Variants in CLMP observed in about 807,000 individuals in gnomAD.
The protein encoded by CLMP is CXADR-like membrane protein.
In CLMP, 27 loss-of-function variants were observed where a neutral mutation model predicts 45.2. The ratio of observed to expected loss-of-function variants is 0.60; its 90% confidence interval spans 0.44 to 0.82. The LOEUF (loss-of-function observed/expected upper bound fraction) is 0.82. Among genes scored for constraint, CLMP ranks in the 40% least tolerant of loss-of-function variants. CLMP has a pLI of 0.00. For missense variants in CLMP, 403 were observed against 448.4 expected (o/e 0.90, Z 0.91); for synonymous variants, 167 against 171.4 (o/e 0.97, Z 0.20).
chr11:123,122,310 A>G (rs12286620), intron 1 of CLMP, among the ~76,000 whole-genome samples: 35,008 of 152,008 alleles, frequency 0.23, 4,244 homozygotes, highest in Admixed American at 0.29. Flanking sequence ...TGTGCCAGGT[A>G]CTCTGCTCCA....
At chr11:123,085,771 T>G (rs893077632) in intron 2 of CLMP, among the ~76,000 whole-genome samples, 37 of 78,408 alleles carry the variant, frequency 4.7e-4, no homozygotes, top group African/African-American at 1.7e-3. Context: ...TTTTTTATGT[T>G]TTTTTTTTTT....
At chr11:123,155,196 C>T (rs904140899) in intron 1 of CLMP, among the ~76,000 whole-genome samples, 1 of 152,144 alleles carries the variant, frequency 6.6e-6, no homozygotes, top group Admixed American at 6.5e-5. Flanking sequence ...TTACTATGTT[C>T]ACCAGGCTGG....
chr11:123,121,072 AGCCAAGATCCC>A (rs1860809559), intron 1 of CLMP, among the ~76,000 whole-genome samples: 1 of 146,680 alleles, frequency 6.8e-6, no homozygotes, highest in South Asian at 2.2e-4. Context: ...GCTTGCAGTG[AGCCAAGATCCC>A]GCCACTGCAC....
At chr11:123,075,957 G>A (rs989026451) in intron 5 of CLMP, among the ~76,000 whole-genome samples, 10 of 152,124 alleles carry the variant, frequency 6.6e-5, no homozygotes, top group African/African-American at 1.9e-4. Context: ...CGGATCACTT[G>A]AGGTCAGGAG....
chr11:123,183,435 T>C (rs943516259), intron 1 of CLMP, among the ~76,000 whole-genome samples: 1 of 152,152 alleles, frequency 6.6e-6, no homozygotes, highest in Admixed American at 6.5e-5. Flanking sequence ...TTCACTATGT[T>C]GGCCAGACTG....
At chr11:123,147,167 C>A (rs185691580) in intron 1 of CLMP, among the ~76,000 whole-genome samples, 3 of 152,168 alleles carry the variant, frequency 2.0e-5, no homozygotes, top group African/African-American at 4.8e-5. Context: ...AAATTTAGTA[C>A]GGTAGAAAGA....
intron 1 of CLMP, among the ~76,000 whole-genome samples, chr11:123,152,566 A>ATAAATAAT (rs1555084855): frequency 6.9e-6 from 1 of 144,004 alleles, no homozygotes; most frequent in African/African-American, 2.8e-5. Context: ...AAATAAATAA[A>ATAAATAAT]AAATAAATAA....
At chr11:123,087,386 G>A (rs1365498451) in intron 2 of CLMP, among the ~76,000 whole-genome samples, 3 of 151,802 alleles carry the variant, frequency 2.0e-5, no homozygotes, top group Non-Finnish European at 4.4e-5. Flanking sequence ...GTGTGCGCCT[G>A]TAAACCCAGC....
chr11:123,098,452 T>A (rs1447763560), intron 1 of CLMP, among the ~76,000 whole-genome samples: 1 of 152,054 alleles, frequency 6.6e-6, no homozygotes, highest in Non-Finnish European at 1.5e-5. Context: ...GGTCTCGAAC[T>A]CCTAACTTCA....
chr11:123,191,625 C>T (rs1028872317), intron 1 of CLMP: 17 of 152,204 alleles, frequency 1.1e-4, no homozygotes, highest in African/African-American at 4.1e-4. Context: ...AGGACTGGTC[C>T]TATTTGCATT....
chr11:123,150,480 A>AAAGAAAGAGAAAGG (rs764502298), intron 1 of CLMP, among the ~76,000 whole-genome samples: 16 of 40,962 alleles, frequency 3.9e-4, no homozygotes, highest in Non-Finnish European at 6.6e-4. Context: ...AGAAAGAAAG[A>AAAGAAAGAGAAAGG]AAGGAAGGAA....
intron 1 of CLMP, among the ~76,000 whole-genome samples, chr11:123,166,977 T>A (rs1039819741): frequency 2.6e-5 from 4 of 152,188 alleles, no homozygotes; most frequent in African/African-American, 7.2e-5. Flanking sequence ...AGAGATATCC[T>A]TGGCTAATGT....
chr11:123,134,369 C>T (rs1350652624), intron 1 of CLMP, among the ~76,000 whole-genome samples: 1 of 152,106 alleles, frequency 6.6e-6, no homozygotes, highest in Non-Finnish European at 1.5e-5. Context: ...CTACACTCCC[C>T]TTGAATATTT....
At chr11:123,081,152 CAAAAAAA>C (rs985723311) in intron 5 of CLMP, among the ~76,000 whole-genome samples, 1 of 140,180 alleles carries the variant, frequency 7.1e-6, no homozygotes, top group African/African-American at 2.7e-5. Context: ...GACTCTGTCT[CAAAAAAA>C]CAAAAAACAA....
chr11:123,139,354 A>G (rs967528050), intron 1 of CLMP, among the ~76,000 whole-genome samples: 3 of 152,096 alleles, frequency 2.0e-5, no homozygotes, highest in African/African-American at 7.2e-5. Context: ...AAAACAGAAG[A>G]AACAGGACTG....
intron 1 of CLMP, among the ~76,000 whole-genome samples, chr11:123,191,790 T>C (rs1323528971): frequency 6.6e-6 from 1 of 152,196 alleles, no homozygotes; most frequent in Non-Finnish European, 1.5e-5. Flanking sequence ...TCTTAACAAA[T>C]AGTTCACAAG....
chr11:123,158,368 G>A (rs1338358322), intron 1 of CLMP, among the ~76,000 whole-genome samples: 2 of 152,226 alleles, frequency 1.3e-5, no homozygotes, highest in Non-Finnish European at 2.9e-5. Flanking sequence ...GGAGAAGGCT[G>A]TTTAATGGCT....
chr11:123,109,059 CAAAAAA>C (rs776811883), intron 1 of CLMP, among the ~76,000 whole-genome samples: 4 of 64,280 alleles, frequency 6.2e-5, no homozygotes, highest in East Asian at 4.4e-4. Flanking sequence ...AACTCTGTCT[CAAAAAA>C]AAAAAAAAAA....
chr11:123,129,244 T>A (rs1860945832), intron 1 of CLMP, among the ~76,000 whole-genome samples: 1 of 151,488 alleles, frequency 6.6e-6, no homozygotes, highest in Non-Finnish European at 1.5e-5. Context: ...GCAGGAGAAT[T>A]GCTTGAATCC....
Sources: allele counts gnomAD v4.1 joint callset (sites outside exome capture counted in the v4.1 genomes callset), GRCh38; gene constraint gnomAD v4.1.1; transcripts MANE v1.5; gene names NCBI Gene and HGNC (gene_info 2026-07-23, HGNC 2026-07-21).